The following PRKACB variants were observed in gnomAD, a reference collection of about 807,000 sequenced individuals.
PRKACB encodes cAMP-dependent protein kinase catalytic subunit beta.
In PRKACB, 16 loss-of-function variants were observed where a neutral mutation model predicts 51.4. That is an observed-to-expected ratio of 0.31 (90% confidence interval 0.21 to 0.47). The LOEUF (loss-of-function observed/expected upper bound fraction) is 0.47. Ranked by LOEUF, PRKACB falls within the 20% of genes least tolerant of loss-of-function variation. The pLI is 1.00. For synonymous variants in PRKACB, 147 were observed against 154.4 expected, an observed-to-expected ratio of 0.95 and a Z score of 0.35; for missense variants, 309 against 464.5, an observed-to-expected ratio of 0.67 and a Z score of 3.08.
At chr1:84,078,402 T>C in intron 1 of PRKACB, 1 of 1,602,216 alleles carries the variant, frequency 6.2e-7, no homozygotes, top group Non-Finnish European at 8.5e-7. Flanking sequence ...GGGTATCCGC[T>C]GGGCGGGCCG....
At chr1:84,172,141 T>C (rs1024996354) in intron 1 of PRKACB, among the ~76,000 whole-genome samples, 8 of 151,598 alleles carry the variant, frequency 5.3e-5, no homozygotes, top group African/African-American at 1.9e-4. Flanking sequence ...GACAATAAAT[T>C]GATGCTACCA....
intron 1 of PRKACB, among the ~76,000 whole-genome samples, chr1:84,138,765 C>G (rs1653095828): frequency 6.6e-6 from 1 of 152,074 alleles, no homozygotes; most frequent in Admixed American, 6.6e-5. Context: ...TTTATGAACA[C>G]AAACAGAAAA....
At chr1:84,175,627 G>T (rs1660961500) in intron 1 of PRKACB, among the ~76,000 whole-genome samples, 2 of 151,664 alleles carry the variant, frequency 1.3e-5, no homozygotes, top group Admixed American at 6.6e-5. Context: ...TTTAAAATCT[G>T]ATTTTTAAAC....
At chr1:84,144,639 T>G (rs1653795498) in intron 1 of PRKACB, 91 bp downstream of exon 1, 1 of 1,344,790 alleles carries the variant, frequency 7.4e-7, no homozygotes, top group Non-Finnish European at 1.0e-6. Context: ...CCTCTTTTGT[T>G]TGTTGTTTTC....
At chr1:84,088,516 G>A (rs1648199460) in intron 1 of PRKACB, among the ~76,000 whole-genome samples, 1 of 152,150 alleles carries the variant, frequency 6.6e-6, no homozygotes, top group Non-Finnish European at 1.5e-5. Flanking sequence ...ACAAACTTGA[G>A]AGAACATGTT....
chr1:84,125,774 T>G (rs1358061097), intron 1 of PRKACB, among the ~76,000 whole-genome samples: 4 of 152,214 alleles, frequency 2.6e-5, no homozygotes, highest in Non-Finnish European at 5.9e-5. Flanking sequence ...CAGTGATGTG[T>G]TTCAGACTCA....
chr1:84,140,452 C>A (rs762642359), upstream of PRKACB, among the ~76,000 whole-genome samples: 17 of 152,162 alleles, frequency 1.1e-4, no homozygotes, highest in Non-Finnish European at 1.9e-4. Context: ...AACACTATTA[C>A]CCTAAAACCT....
intron 3 of PRKACB, 37 bp downstream of exon 3, chr1:84,182,365 C>T: frequency 2.0e-6 from 3 of 1,471,228 alleles, no homozygotes; most frequent in Non-Finnish European, 2.7e-6. Context: ...TCAGGGTAAA[C>T]TTTAGTTTTA....
intron 9 of PRKACB, among the ~76,000 whole-genome samples, chr1:84,229,229 A>G (rs552821247): frequency 2.9e-3 from 355 of 123,300 alleles, no homozygotes; most frequent in African/African-American, 5.0e-3. Flanking sequence ...ATGATTTCCA[A>G]TTTCATCCAT....
chr1:84,129,787 T>C (rs1366597213), intron 1 of PRKACB, among the ~76,000 whole-genome samples: 2 of 152,152 alleles, frequency 1.3e-5, no homozygotes, highest in African/African-American at 4.8e-5. Context: ...AGCAGGAAGA[T>C]TGGAAAGGGA....
At chr1:84,092,124 T>C (rs1648526568) in intron 1 of PRKACB, among the ~76,000 whole-genome samples, 2 of 152,322 alleles carry the variant, frequency 1.3e-5, no homozygotes, top group East Asian at 1.9e-4. Context: ...TCAAAAGTAT[T>C]CAAATCCTAA....
chr1:84,205,089 G>A, intron 8 of PRKACB: 1 of 981,842 alleles, frequency 1.0e-6, no homozygotes, highest in African/African-American at 1.7e-5. Context: ...AAATATGACA[G>A]GATATTTGGT....
At chr1:84,232,594 T>C (rs1675900505) in intron 9 of PRKACB, among the ~76,000 whole-genome samples, 1 of 152,198 alleles carries the variant, frequency 6.6e-6, no homozygotes, top group Admixed American at 6.5e-5. Flanking sequence ...ATCTGGGTGC[T>C]CCTGTATTGG....
intron 2 of PRKACB, 75 bp from the exon 3 acceptor site, chr1:84,182,121 TTATG>T (rs1285463069): frequency 9.5e-7 from 1 of 1,048,830 alleles, no homozygotes; most frequent in Admixed American, 3.0e-5. Context: ...TCCATTATGA[TTATG>T]TATTATTAAA....
chr1:84,195,639 G>A (rs1667996258), intron 5 of PRKACB, among the ~76,000 whole-genome samples: 1 of 152,046 alleles, frequency 6.6e-6, no homozygotes, highest in Non-Finnish European at 1.5e-5. Context: ...CTAGCTGGGT[G>A]CGGTGGCTGA....
chr1:84,197,217 G>A (rs1340935519), intron 6 of PRKACB, among the ~76,000 whole-genome samples: 1 of 152,054 alleles, frequency 6.6e-6, no homozygotes, highest in Non-Finnish European at 1.5e-5. Flanking sequence ...CAATATAACT[G>A]CCAAAGAATC....
chr1:84,214,363 TTAAATTATA>T, intron 9 of PRKACB, 46 bp downstream of exon 9: 4 of 1,470,600 alleles, frequency 2.7e-6, no homozygotes, highest in South Asian at 2.8e-5. Context: ...AAGTTGGTGT[TTAAATTATA>T]TGTGGTGGAG....
At chr1:84,230,506 T>C (rs1478297038) in intron 9 of PRKACB, among the ~76,000 whole-genome samples, 5 of 152,218 alleles carry the variant, frequency 3.3e-5, no homozygotes, top group African/African-American at 1.2e-4. Flanking sequence ...GCATTGAATC[T>C]ATAAATTACC....
rs188041617 is a variant in PRKACB at position 84,102,462 on chromosome 1, G to C, written c.46+24091G>C. ...GGCTCACGTTACTCTAAATTAGACA[G>C]TTGGGGTTTTTAGAAATCTTAAGGA... On this transcript the variant is annotated intron_variant, in intron 1 of 8. Transcript: ENST00000370688. Among the ~76,000 whole-genome samples the C allele has an allele frequency of 2.6e-5, 4 of 152,244 alleles. No homozygotes were observed. In the East Asian group the frequency reaches 7.7e-4, roughly 29 times the overall value.
Sources: allele counts gnomAD v4.1 joint callset (sites outside exome capture counted in the v4.1 genomes callset), GRCh38; gene constraint gnomAD v4.1.1; transcripts MANE v1.5; gene names NCBI Gene and HGNC (gene_info 2026-07-23, HGNC 2026-07-21).